Variants in OSBPL8 observed in about 807,000 individuals in gnomAD.
OSBPL8 encodes the protein oxysterol-binding protein-related protein 8.
Under a neutral mutation model 125.5 loss-of-function variants are expected in OSBPL8, and 59 were observed. That is an observed-to-expected ratio of 0.47 (90% confidence interval 0.38 to 0.58). The LOEUF (loss-of-function observed/expected upper bound fraction) is 0.58, where lower values mean the gene tolerates loss of function less well. Among genes scored for constraint, OSBPL8 ranks in the 20% least tolerant of loss-of-function variants. The pLI, the probability that OSBPL8 is intolerant of heterozygous loss-of-function variation, is 0.00. For synonymous variants in OSBPL8, 330 were observed against 338.9 expected, an observed-to-expected ratio of 0.97 and a Z score of 0.29; for missense variants, 758 against 1,047.8, an observed-to-expected ratio of 0.72 and a Z score of 3.82.
rs755672935 is a variant in OSBPL8, at chr12:76,390,664, GGAAA to G, written c.930-11_930-8del. ...AATTTCACTATCATTTAACCTTAAGGGAAAGAATTTTTAGGAGGAAGAATCAAGG... is the reference window on the plus strand; with the variant it reads ...AATTTCACTATCATTTAACCTTAAGGGAATTTTTAGGAGGAAGAATCAAGG... On this transcript the variant is annotated splice_polypyrimidine_tract_variant and splice_region_variant and intron_variant, in intron 10 of 23. Transcript: ENST00000261183. 95 of 1,561,674 alleles carry G rather than the reference GGAAA, an allele frequency of 6.1e-5. No individual in the cohort carries two copies. Among genetic ancestry groups the G allele is most frequent in the Non-Finnish European group, 8.1e-5 (92 of 1,135,464 alleles).
chr12:76,501,475 G>A (rs978106741), intron 1 of OSBPL8, among the ~76,000 whole-genome samples: 1 of 152,222 alleles, frequency 6.6e-6, no homozygotes, highest in Admixed American at 6.5e-5. Flanking sequence ...GGCCTTTATA[G>A]TGAAGATATT....
At chr12:76,411,713 TA>T (rs760020904) in intron 4 of OSBPL8, among the ~76,000 whole-genome samples, 2 of 151,708 alleles carry the variant, frequency 1.3e-5, no homozygotes, top group Admixed American at 6.6e-5. Context: ...AAATAAAATG[TA>T]AAAAAAATGA....
chr12:76,470,210 G>T (rs1875963467), intron 2 of OSBPL8, among the ~76,000 whole-genome samples: 1 of 152,126 alleles, frequency 6.6e-6, no homozygotes, highest in Non-Finnish European at 1.5e-5. Context: ...CATGCATCTG[G>T]TGAGACTGCT....
At chr12:76,460,543 A>G (rs375845341) in intron 2 of OSBPL8, among the ~76,000 whole-genome samples, 351 of 152,138 alleles carry the variant, frequency 2.3e-3, no homozygotes, top group South Asian at 7.7e-3. Flanking sequence ...AAGTTTTACT[A>G]AGTCAGACAA....
At chr12:76,453,314 T>C (rs1297629279) in intron 3 of OSBPL8, among the ~76,000 whole-genome samples, 3 of 152,196 alleles carry the variant, frequency 2.0e-5, no homozygotes, top group African/African-American at 7.2e-5. Context: ...ATAAAGTATA[T>C]GGTGTCTCTT....
At chr12:76,492,937 T>A (rs1000643464) in intron 1 of OSBPL8, among the ~76,000 whole-genome samples, 25 of 134,132 alleles carry the variant, frequency 1.9e-4, no homozygotes, top group Admixed American at 7.0e-5. Context: ...TATATAGATA[T>A]TTTTTTTTTG....
rs560847765 is a variant in OSBPL8, at chr12:76,358,645, T to C, written c.2434+61A>G. The C allele has an allele frequency of 1.6e-5, 22 of 1,363,748 alleles. No homozygotes were observed. In the South Asian group the frequency reaches 1.8e-4, roughly 11 times the overall value. The allele number at this position is 1,363,748 out of a possible 1,614,324, so 84.5% of individuals were successfully genotyped here. A position where few individuals can be genotyped will look rare whatever the true frequency, so the allele number is the denominator to read the frequency against. On this transcript the variant is annotated intron_variant, in intron 22 of 23. Transcript: ENST00000261183. ...GAGTTAATATGAAAAACCATATTCA[T>C]ATCAAATTGTGTAGTAATTAAAAAG...
chr12:76,459,619 C>T (rs1360424226), intron 3 of OSBPL8, among the ~76,000 whole-genome samples: 1 of 151,940 alleles, frequency 6.6e-6, no homozygotes, highest in Non-Finnish European at 1.5e-5. Context: ...GTAAATAATG[C>T]ATCTTAGGTA....
chr12:76,498,722 C>T (rs966315177), intron 1 of OSBPL8, among the ~76,000 whole-genome samples: 4 of 134,760 alleles, frequency 3.0e-5, no homozygotes, highest in African/African-American at 1.1e-4. Flanking sequence ...AAAAGCCTCC[C>T]CACTTTTTTT....
At chr12:76,536,498 T>C (rs535999117) in intron 1 of OSBPL8, among the ~76,000 whole-genome samples, 11 of 152,342 alleles carry the variant, frequency 7.2e-5, no homozygotes, top group African/African-American at 2.6e-4. Context: ...ACTGTACTAC[T>C]TAACACTATG....
intron 1 of OSBPL8, among the ~76,000 whole-genome samples, chr12:76,503,590 G>A (rs982568190): frequency 6.6e-6 from 1 of 152,178 alleles, no homozygotes; most frequent in Non-Finnish European, 1.5e-5. Context: ...CCAGGCTGGA[G>A]TGCAGTGGCG....
At chr12:76,420,662 T>A (rs1869361173) in intron 4 of OSBPL8, among the ~76,000 whole-genome samples, 2 of 152,022 alleles carry the variant, frequency 1.3e-5, no homozygotes, top group Non-Finnish European at 2.9e-5. Flanking sequence ...GAAGAACAAA[T>A]CTTTCCTTCT....
chr12:76,378,642 A>G, intron 15 of OSBPL8, 92 bp from the exon 16 acceptor site: 1 of 848,266 alleles, frequency 1.2e-6, no homozygotes, highest in Non-Finnish European at 1.9e-6. Flanking sequence ...CCAGACATCT[A>G]CAGTAGAAAG....
At chr12:76,498,144 C>G (rs1469016658) in intron 1 of OSBPL8, among the ~76,000 whole-genome samples, 1 of 152,154 alleles carries the variant, frequency 6.6e-6, no homozygotes, top group African/African-American at 2.4e-5. Context: ...GTGGCTCACA[C>G]CTGTAACCCT....
chr12:76,436,344 T>C (rs1176449137), intron 4 of OSBPL8, among the ~76,000 whole-genome samples: 1 of 152,156 alleles, frequency 6.6e-6, no homozygotes, highest in Non-Finnish European at 1.5e-5. Flanking sequence ...CATGGTTCAT[T>C]ACTTCATCTA....
chr12:76,532,104 T>C (rs1950356930), intron 1 of OSBPL8, among the ~76,000 whole-genome samples: 1 of 151,840 alleles, frequency 6.6e-6, no homozygotes, highest in Non-Finnish European at 1.5e-5. Context: ...CCTTAAAATT[T>C]TTCTTTTCTA....
At chr12:76,513,382 A>G (rs1345240430) in intron 1 of OSBPL8, among the ~76,000 whole-genome samples, 3 of 152,186 alleles carry the variant, frequency 2.0e-5, no homozygotes, top group African/African-American at 7.2e-5. Context: ...CCATGTGGAG[A>G]TAAGAAGAAT....
chr12:76,398,321 C>T (rs911631372), intron 7 of OSBPL8, among the ~76,000 whole-genome samples: 2 of 152,188 alleles, frequency 1.3e-5, no homozygotes, highest in Non-Finnish European at 2.9e-5. Flanking sequence ...ACTGCTGGCA[C>T]ACACTAGGCA....
chr12:76,408,392 G>A (rs1260463019), intron 5 of OSBPL8, among the ~76,000 whole-genome samples: 2 of 149,550 alleles, frequency 1.3e-5, no homozygotes, highest in Admixed American at 6.7e-5. Flanking sequence ...AACCCAGGAG[G>A]CAGAGCTTGC....
Sources: allele counts gnomAD v4.1 joint callset (sites outside exome capture counted in the v4.1 genomes callset), GRCh38; gene constraint gnomAD v4.1.1; transcripts MANE v1.5; gene names NCBI Gene and HGNC (gene_info 2026-07-23, HGNC 2026-07-21).